The following PTPRD variants were observed in gnomAD, a reference collection of about 807,000 sequenced individuals.
The protein encoded by PTPRD is protein tyrosine phosphatase receptor type D, also known as receptor-type tyrosine-protein phosphatase delta.
A neutral mutation model predicts 214.5 loss-of-function variants in PTPRD; 34 were observed. That is an observed-to-expected ratio of 0.16 (90% confidence interval 0.12 to 0.21). PTPRD has a LOEUF of 0.21. PTPRD is among the 10% of genes least tolerant of loss of function. The probability of loss-of-function intolerance (pLI) is 1.00; values close to 1 mark genes in which losing one functional copy is unlikely to be tolerated. For missense variants in PTPRD, 2,545 were observed against 2,398.7 expected (o/e 1.06, Z -1.27); for synonymous variants, 1,128 against 845.7 (o/e 1.33, Z -5.79).
intron 10 of PTPRD, among the ~76,000 whole-genome samples, chr9:9,178,371 C>T (rs1188904868): frequency 6.6e-6 from 1 of 151,738 alleles, no homozygotes; most frequent in Non-Finnish European, 1.5e-5. Flanking sequence ...CTCCTTCCTT[C>T]TTTCCTTTTT....
At chr9:9,063,908 G>C (rs2099715778) in intron 10 of PTPRD, among the ~76,000 whole-genome samples, 1 of 152,226 alleles carries the variant, frequency 6.6e-6, no homozygotes, top group Non-Finnish European at 1.5e-5. Context: ...AATTCAAAGA[G>C]AGTAGTCTTC....
At chr9:8,595,295 A>G (rs1036571268) in intron 14 of PTPRD, among the ~76,000 whole-genome samples, 3 of 152,190 alleles carry the variant, frequency 2.0e-5, no homozygotes, top group African/African-American at 4.8e-5. Flanking sequence ...TCTGAAAAAT[A>G]GTTTTTTAAA....
chr9:9,460,191 T>C (rs1435060870), intron 8 of PTPRD, among the ~76,000 whole-genome samples: 1 of 152,002 alleles, frequency 6.6e-6, no homozygotes, highest in Non-Finnish European at 1.5e-5. Flanking sequence ...AAAAACTAGC[T>C]CAAGATGGAT....
chr9:8,863,503 T>C (rs1177770055), intron 11 of PTPRD, among the ~76,000 whole-genome samples: 1 of 152,246 alleles, frequency 6.6e-6, no homozygotes, highest in East Asian at 1.9e-4. Flanking sequence ...ATAATTAATA[T>C]ATGACAAGCT....
chr9:9,441,217 G>C (rs572112395), intron 8 of PTPRD, among the ~76,000 whole-genome samples: 4 of 152,266 alleles, frequency 2.6e-5, no homozygotes, highest in African/African-American at 9.6e-5. Context: ...TGAGCAACAA[G>C]CCTATCCTCG....
chr9:10,525,164 C>CCAGG (rs2053858508), intron 2 of PTPRD, among the ~76,000 whole-genome samples: 1 of 151,590 alleles, frequency 6.6e-6, no homozygotes, highest in Admixed American at 6.6e-5. Context: ...ATTTAATTTC[C>CCAGG]CAGGATTCTA....
At chr9:10,232,706 C>T (rs754210067) in intron 3 of PTPRD, among the ~76,000 whole-genome samples, 1 of 151,968 alleles carries the variant, frequency 6.6e-6, no homozygotes, top group African/African-American at 2.4e-5. Context: ...ATCTGTATCC[C>T]ATTTCAATTT....
intron 5 of PTPRD, among the ~76,000 whole-genome samples, chr9:9,899,517 G>C (rs375917712): frequency 5.3e-5 from 8 of 152,038 alleles, no homozygotes; most frequent in African/African-American, 1.7e-4. Context: ...TCACACTGCT[G>C]TTAGAATGGT....
At chr9:9,560,436 G>A (rs1028769342) in intron 8 of PTPRD, among the ~76,000 whole-genome samples, 2 of 152,222 alleles carry the variant, frequency 1.3e-5, no homozygotes, top group Admixed American at 6.5e-5. Flanking sequence ...GCAAAGATAT[G>A]TTCCTCCTTG....
At chr9:10,572,793 T>A (rs1483972656) in intron 2 of PTPRD, among the ~76,000 whole-genome samples, 6 of 152,214 alleles carry the variant, frequency 3.9e-5, no homozygotes, top group Admixed American at 6.5e-5. Context: ...AACATCACTT[T>A]TGGTGGAAAA....
At chr9:9,084,868 T>A (rs1208204217) in intron 10 of PTPRD, among the ~76,000 whole-genome samples, 2 of 152,152 alleles carry the variant, frequency 1.3e-5, no homozygotes, top group African/African-American at 4.8e-5. Context: ...CATTTTATTT[T>A]CTCTAATGTT....
chr9:9,339,929 C>T (rs1362232815), intron 9 of PTPRD, among the ~76,000 whole-genome samples: 2 of 152,076 alleles, frequency 1.3e-5, no homozygotes, highest in East Asian at 1.9e-4. Context: ...CTCTTTTTTA[C>T]ATGCTAATCT....
At chr9:9,858,101 G>A (rs1321445460) in intron 5 of PTPRD, among the ~76,000 whole-genome samples, 1 of 152,080 alleles carries the variant, frequency 6.6e-6, no homozygotes, top group Non-Finnish European at 1.5e-5. Flanking sequence ...GTGCTATATA[G>A]TCTGTGCAAT....
chr9:8,708,396 A>G (rs112656434), intron 12 of PTPRD, among the ~76,000 whole-genome samples: 3,025 of 152,172 alleles, frequency 0.02, 96 homozygotes, highest in African/African-American at 0.059. Context: ...GCTACAGGCC[A>G]GGTGCAGTGG....
intron 7 of PTPRD, among the ~76,000 whole-genome samples, chr9:9,693,229 T>C (rs1441056765): frequency 6.6e-6 from 1 of 152,114 alleles, no homozygotes; most frequent in South Asian, 2.1e-4. Flanking sequence ...GTGTTCGCAC[T>C]AAATCTCATC....
intron 26 of PTPRD, among the ~76,000 whole-genome samples, chr9:8,495,917 T>C (rs948170940): frequency 6.6e-6 from 1 of 152,170 alleles, no homozygotes; most frequent in African/African-American, 2.4e-5. Context: ...TTATTTCTTC[T>C]ATATCACTCT....
chr9:9,085,485 A>T (rs1256355437), intron 10 of PTPRD, among the ~76,000 whole-genome samples: 1 of 152,152 alleles, frequency 6.6e-6, no homozygotes, highest in Non-Finnish European at 1.5e-5. Context: ...TGAAAATAAC[A>T]GCGCCTTATT....
intron 31 of PTPRD, among the ~76,000 whole-genome samples, chr9:8,468,908 G>A (rs748612634): frequency 6.6e-6 from 1 of 151,530 alleles, no homozygotes; most frequent in Non-Finnish European, 1.5e-5. Context: ...GTTACAAGAT[G>A]TACTGGAGGT....
At chr9:10,264,717 G>A (rs548724080) in intron 3 of PTPRD, among the ~76,000 whole-genome samples, 1 of 152,240 alleles carries the variant, frequency 6.6e-6, no homozygotes, top group African/African-American at 2.4e-5. Flanking sequence ...GATCTCTTGG[G>A]AAGCCATGAT....
Sources: allele counts gnomAD v4.1 joint callset (sites outside exome capture counted in the v4.1 genomes callset), GRCh38; gene constraint gnomAD v4.1.1; transcripts MANE v1.5; gene names NCBI Gene and HGNC (gene_info 2026-07-23, HGNC 2026-07-21).